The following EHD3 variants were observed in gnomAD, a reference collection of about 807,000 sequenced individuals.
EHD3 encodes EH domain-containing protein 3.
A neutral mutation model predicts 43.0 loss-of-function variants in EHD3; 17 were observed. The observed-to-expected ratio is 0.40, with a 90% CI of 0.27 to 0.59. The LOEUF (loss-of-function observed/expected upper bound fraction) is 0.59, where lower values mean the gene tolerates loss of function less well. EHD3 is among the 20% of genes least tolerant of loss of function. The pLI, the probability that EHD3 is intolerant of heterozygous loss-of-function variation, is 0.49. For missense variants in EHD3, 594 were observed against 705.6 expected (o/e 0.84, Z 1.79); for synonymous variants, 313 against 289.5 (o/e 1.08, Z -0.82).
chr2:31,249,539 A>G (rs1683594143), intron 3 of EHD3, 71 bp downstream of exon 3: 1 of 1,383,094 alleles, frequency 7.2e-7, no homozygotes, highest in Non-Finnish European at 1.0e-6. Context: ...CTTACATACC[A>G]GAAGAGAAGC....
chr2:31,242,412 C>A (rs649509), intron 1 of EHD3, among the ~76,000 whole-genome samples: 17,245 of 152,270 alleles, frequency 0.11, 1,077 homozygotes, highest in African/African-American at 0.12. Context: ...GCAGGTAAAA[C>A]ACCAAACACA....
intron 5 of EHD3, among the ~76,000 whole-genome samples, chr2:31,263,473 C>G (rs765081244): frequency 6.6e-6 from 1 of 152,146 alleles, no homozygotes; most frequent in Admixed American, 6.5e-5. Context: ...AATGGGAGCA[C>G]CCACCATGCC....
Position 31,268,252 on chromosome 2 carries a change from G to C in EHD3, c.*1548G>C, listed in dbSNP as rs1204388959. On this transcript the variant is annotated 3_prime_UTR_variant, in exon 6 of 6. Coordinates refer to ENST00000322054, the MANE Select transcript of EHD3 (RefSeq NM_014600.3). ...ACTTTGTATGCTATGCTCCTACTGT[G>C]ATGGAAAACAAAATGAGTATAACTT... The C allele has an allele frequency of 6.6e-6, 1 of 152,646 alleles. No individual in the cohort carries two copies. Among genetic ancestry groups the C allele is most frequent in the Non-Finnish European group, 1.5e-5 (1 of 68,044 alleles). The allele number at this position is 152,646 out of a possible 1,614,324, so 9.5% of individuals were successfully genotyped here. A position where few individuals can be genotyped will look rare whatever the true frequency, so the allele number is the denominator to read the frequency against.
Position 31,267,926 on chromosome 2 carries a change from A to G in EHD3, c.*1222A>G, listed in dbSNP as rs1159077602. 1.3e-5 allele frequency: 2 copies of G among 152,292 alleles called. No individual in the cohort carries two copies. The highest frequency in any genetic ancestry group is 2.9e-5 in the Non-Finnish European group (2 of 68,046). The allele number at this position is 152,292 out of a possible 1,614,324, so 9.4% of individuals were successfully genotyped here. ...CTCTGCGCCCCATATTCCCAGCATC[A>G]TAGACATCCAACAGCACCAGCAGGA... is the stretch of plus-strand genomic sequence containing the variant. On this transcript the variant is annotated 3_prime_UTR_variant, in exon 6 of 6. Transcript: ENST00000322054.
intron 3 of EHD3, among the ~76,000 whole-genome samples, chr2:31,258,782 A>C (rs1311552461): frequency 6.6e-6 from 1 of 152,222 alleles, no homozygotes; most frequent in Non-Finnish European, 1.5e-5. Context: ...AGTGGTATTC[A>C]AAGTGTGGCC....
At chr2:31,258,570 G>C (rs1683795683) in intron 3 of EHD3, among the ~76,000 whole-genome samples, 1 of 152,162 alleles carries the variant, frequency 6.6e-6, no homozygotes, top group African/African-American at 2.4e-5. Flanking sequence ...TTGAGTCCCA[G>C]CCCATTGCTT....
intron 5 of EHD3, among the ~76,000 whole-genome samples, chr2:31,264,264 C>G (rs1330145032): frequency 1.3e-5 from 2 of 152,138 alleles, no homozygotes; most frequent in Non-Finnish European, 2.9e-5. Flanking sequence ...ATTTGTGTAT[C>G]TAAACATAGA....
chr2:31,250,966 C>T (rs1305388031), intron 3 of EHD3, among the ~76,000 whole-genome samples: 3 of 152,212 alleles, frequency 2.0e-5, no homozygotes, highest in Non-Finnish European at 4.4e-5. Context: ...GTCTGTGCCA[C>T]AATAGTGGGG....
intron 5 of EHD3, 101 bp downstream of exon 5, chr2:31,261,814 A>C: frequency 3.5e-6 from 5 of 1,408,826 alleles, no homozygotes; most frequent in South Asian, 1.4e-5. Flanking sequence ...CCCAGGGAGA[A>C]CCCCGCCCAG....
intron 1 of EHD3, among the ~76,000 whole-genome samples, chr2:31,243,420 T>TTTTCTTTCTTTCTTTC (rs751332290): frequency 2.2e-5 from 3 of 135,512 alleles, no homozygotes; most frequent in African/African-American, 9.3e-5. Context: ...GGAGATTCAT[T>TTTTCTTTCTTTCTTTC]TTTCTTTCTT....
rs1250763774 is a variant in EHD3 at position 31,267,272 on chromosome 2, T to TAAGCC, written c.*569_*573dup. ...CCAGGAGCTCTGTTCTTTCCTAATC[T>TAAGCC]AAGCCTCTGTCTTCTTCGGCAAACC... On this transcript the variant is annotated 3_prime_UTR_variant, in exon 6 of 6. Transcript: ENST00000322054. 1 of 152,438 alleles carries TAAGCC rather than the reference T, an allele frequency of 6.6e-6. No individual in the cohort carries two copies. Among genetic ancestry groups the TAAGCC allele is most frequent in the African/African-American group, 2.4e-5 (1 of 41,448 alleles). 9.4% of individuals were successfully genotyped at this position (152,438 alleles called of 1,614,324 possible).
chr2:31,245,553 ATTTTTT>A (rs1227122252), intron 2 of EHD3, among the ~76,000 whole-genome samples: 92 of 35,054 alleles, frequency 2.6e-3, no homozygotes, highest in Middle Eastern at 0.022. Flanking sequence ...ATATATATAT[ATTTTTT>A]TTTTTTTTTT....
Position 31,234,593 on chromosome 2 carries a change from C to T in EHD3, c.-29C>T. On this transcript the variant is annotated 5_prime_UTR_variant, in exon 1 of 6. Transcript: ENST00000322054. ...CCTGAGGAGGAGTCTTCCCCTGGGG[C>T]TGCGTGCCGGGGGCGAGCGGCGGCC... The T allele has an allele frequency of 6.2e-7, 1 of 1,611,144 alleles. No homozygotes were observed. The highest frequency in any genetic ancestry group is 1.1e-5 in the South Asian group (1 of 91,008).
intron 3 of EHD3, among the ~76,000 whole-genome samples, chr2:31,252,748 C>T (rs957668047): frequency 6.6e-6 from 1 of 152,210 alleles, no homozygotes; most frequent in Non-Finnish European, 1.5e-5. Context: ...TTCTTGCCTG[C>T]ACTTCCTAAT....
chr2:31,252,889 A>G (rs1683664926), intron 3 of EHD3, among the ~76,000 whole-genome samples: 2 of 152,166 alleles, frequency 1.3e-5, no homozygotes, highest in Admixed American at 1.3e-4. Flanking sequence ...AGCTGCTGGC[A>G]AAAGCAGCCT....
intron 3 of EHD3, among the ~76,000 whole-genome samples, chr2:31,251,949 C>T (rs1448080763): frequency 6.6e-6 from 1 of 152,194 alleles, no homozygotes; most frequent in Admixed American, 6.5e-5. Flanking sequence ...ACTCAGGCAG[C>T]TCAGGACTCC....
chr2:31,244,284 G>T lies in EHD3; in HGVS notation c.238G>T (p.Glu80Ter). Residue 80 changes from glutamate to a stop codon, truncating the protein, a stop_gained, in exon 2 of 6, where the codon GAA becomes TAA. Coordinates refer to ENST00000322054, the MANE Select transcript of EHD3 (RefSeq NM_014600.3). LOFTEE classifies it high-confidence loss of function. ...GCTTCTTCCTGCTAGGTACCTGCTG[G>T]AACAGGACTTCCCAGGCATGAGGAT... ...GKTTFIRYLL[E>*]QDFPGMRIGP... 7 of 1,613,544 alleles carry T rather than the reference G, an allele frequency of 4.3e-6. No individual in the cohort carries two copies. The highest frequency in any genetic ancestry group is 5.9e-6 in the Non-Finnish European group (7 of 1,179,588).
At position 31,266,341 on chromosome 2, in the gene EHD3, G is replaced by A. The variant is rs1683950655; in HGVS notation, c.1245G>A (p.Glu415=). The A allele has an allele frequency of 6.2e-7, 1 of 1,614,034 alleles. No homozygotes were observed. The highest frequency in any genetic ancestry group is 1.7e-5 in the Admixed American group (1 of 59,996). Residue 415 remains glutamate, a synonymous_variant, in exon 6 of 6, where the codon GAG becomes GAA. Coordinates refer to ENST00000322054, the MANE Select transcript of EHD3 (RefSeq NM_014600.3). This position sits in a 1 kb window ranked among gnomAD's most constrained non-coding sequence, Gnocchi z 5.1. ...AGATGGTGAAGGGCGGAGCGTTCGAGGGCACCCTGCACGGCCCCTTTGGGC... is the reference window on the plus strand; with the variant it reads ...AGATGGTGAAGGGCGGAGCGTTCGAAGGCACCCTGCACGGCCCCTTTGGGC... ...PIQMVKGGAF[E]GTLHGPFGHG... is the part of the protein sequence containing the mutation.
At chr2:31,236,316 T>C (rs147680059) in intron 1 of EHD3, among the ~76,000 whole-genome samples, 28 of 152,346 alleles carry the variant, frequency 1.8e-4, no homozygotes, top group African/African-American at 6.7e-4. Flanking sequence ...TTGTATGTTT[T>C]ATATTGATAG....
Sources: allele counts gnomAD v4.1 joint callset (sites outside exome capture counted in the v4.1 genomes callset), GRCh38; gene constraint gnomAD v4.1.1; non-coding constraint Gnocchi (gnomAD v3.1); transcripts MANE v1.5; gene names NCBI Gene and HGNC (gene_info 2026-07-23, HGNC 2026-07-21).